Variants in DLGAP3 observed in about 807,000 individuals in gnomAD.
The protein encoded by DLGAP3 is DLG associated protein 3.
Under a neutral mutation model 81.2 loss-of-function variants are expected in DLGAP3, and 17 were observed. The ratio of observed to expected loss-of-function variants is 0.21; its 90% CI spans 0.14 to 0.31. The LOEUF is 0.31. DLGAP3 is among the 10% of genes least tolerant of loss of function. DLGAP3 has a pLI of 1.00. For missense variants in DLGAP3, 1,124 were observed against 1,388.0 expected (o/e 0.81, Z 3.02); for synonymous variants, 577 against 587.4 (o/e 0.98, Z 0.26).
chr1:34,904,949 T>C lies in DLGAP3; in HGVS notation c.435A>G (p.Pro145=). The C allele has an allele frequency of 1.2e-6, 2 of 1,613,018 alleles. No individual in the cohort carries two copies. The highest frequency in any genetic ancestry group is 8.5e-7 in the Non-Finnish European group (1 of 1,179,752). Residue 145 remains proline, a synonymous_variant, in exon 3 of 12, where the codon CCA becomes CCG. Coordinates refer to ENST00000373347, the MANE Select transcript of DLGAP3 (RefSeq NM_001080418.3). This position sits in a 1 kb window ranked among gnomAD's most constrained non-coding sequence, Gnocchi z 8.1. ...GCGCTGGCCCGGGCCCTGCCCCTGC[T>C]GGCCCTCGCTGGTATGGTAGTGTGT... The part of the protein sequence containing the change: ...GFHTLPYQRG[P]AGAGPGPAPG...
chr1:34,895,915 CAT>C lies in DLGAP3; in HGVS notation c.1386+3752_1386+3753del, dbSNP rs1456359791. 2.4e-5 allele frequency among the ~76,000 whole-genome samples: 3 copies of C among 125,424 alleles called. No individual in the cohort carries two copies. The highest frequency in any genetic ancestry group is 2.1e-4 in the East Asian group (1 of 4,672). 82.3% of individuals were successfully genotyped at this position (125,424 alleles called of 152,430 possible). The stretch of plus-strand genomic sequence containing the variant: ...AGCTGGACCCCTAACTTGAATCACA[CAT>C]ACACACACACACACACACACACACA... On this transcript the variant is annotated intron_variant, in intron 5 of 11. Coordinates refer to ENST00000373347, the MANE Select transcript of DLGAP3 (RefSeq NM_001080418.3). The surrounding 1 kb of genome is among the most constrained non-coding windows in gnomAD (Gnocchi z 4.5).
intron 5 of DLGAP3, among the ~76,000 whole-genome samples, chr1:34,891,671 C>T (rs980525094): frequency 6.6e-6 from 1 of 152,204 alleles, no homozygotes; most frequent in Non-Finnish European, 1.5e-5. Flanking sequence ...TTGCCCTCCC[C>T]AGCTCACACA....
chr1:34,883,767 T>C (rs1357179109), intron 8 of DLGAP3, among the ~76,000 whole-genome samples: 2 of 151,838 alleles, frequency 1.3e-5, no homozygotes, highest in Admixed American at 1.3e-4. Flanking sequence ...TTGAGAAAAA[T>C]GGTGAATCCC....
chr1:34,906,016 T>TTATATATATATATATATATATATATATA (rs150603784), intron 2 of DLGAP3, among the ~76,000 whole-genome samples: 1,222 of 64,212 alleles, frequency 0.019, 165 homozygotes, highest in East Asian at 0.094. Flanking sequence ...GCCTCTAAAT[T>TTATATATATATATATATATATATATATA]TATATATATA....
intron 5 of DLGAP3, among the ~76,000 whole-genome samples, chr1:34,891,369 G>A (rs1178597186): frequency 6.6e-6 from 1 of 152,210 alleles, no homozygotes; most frequent in East Asian, 1.9e-4. Context: ...GAACAGGAAA[G>A]GCCAGAAGCA....
rs373138417 is a variant in DLGAP3, at chr1:34,918,503, A to T, written c.-135+10948T>A. Among the ~76,000 whole-genome samples the T allele has an allele frequency of 5.1e-4, 78 of 152,324 alleles. 1 individual carries two copies. The highest frequency in any genetic ancestry group is 1.7e-3 in the African/African-American group (69 of 41,590). On this transcript the variant is annotated intron_variant, in intron 1 of 11. Transcript: ENST00000373347. ...ACAGGTTCACCTGCTACCCTTAGGA[A>T]GTGGGTCCAGCACGTGGCTAATAGG...
At chr1:34,915,296 C>G (rs1388267610) in intron 1 of DLGAP3, among the ~76,000 whole-genome samples, 1 of 152,232 alleles carries the variant, frequency 6.6e-6, no homozygotes, top group African/African-American at 2.4e-5. Context: ...CTTCTTTTGA[C>G]TTTAGCACCA....
At chr1:34,896,617 A>G (rs1639384299) in intron 5 of DLGAP3, among the ~76,000 whole-genome samples, 1 of 151,544 alleles carries the variant, frequency 6.6e-6, no homozygotes, top group African/African-American at 2.4e-5. Context: ...ACACACACAC[A>G]AAATCAAACT....
chr1:34,918,651 T>A (rs1315652036), intron 1 of DLGAP3, among the ~76,000 whole-genome samples: 2 of 152,044 alleles, frequency 1.3e-5, no homozygotes, highest in Non-Finnish European at 2.9e-5. Context: ...AATGGAGAAG[T>A]AGGTCGGGCT....
intron 5 of DLGAP3, 104 bp downstream of exon 5, chr1:34,899,565 G>A (rs1639423873): frequency 6.7e-6 from 7 of 1,047,890 alleles, no homozygotes; most frequent in Non-Finnish European, 9.0e-6. Flanking sequence ...AGCCAGGCCT[G>A]AGCTCTCTCC....
chr1:34,915,081 A>G (rs531622934), intron 1 of DLGAP3, among the ~76,000 whole-genome samples: 18 of 152,322 alleles, frequency 1.2e-4, no homozygotes, highest in African/African-American at 4.3e-4. Context: ...GCAACCTCAT[A>G]GCTGGGTATT....
intron 1 of DLGAP3, among the ~76,000 whole-genome samples, chr1:34,926,437 T>C (rs1639873418): frequency 6.6e-6 from 1 of 152,120 alleles, no homozygotes; most frequent in South Asian, 2.1e-4. Flanking sequence ...GCCAGCAGCC[T>C]TCAGACTGGG....
In DLGAP3 at chr1:34,885,326, G is replaced by A. The variant is rs1048277039; in HGVS notation, c.1914+152C>T. The A allele has an allele frequency of 3.6e-5, 32 of 891,738 alleles. 1 individual carries two copies. Among genetic ancestry groups the A allele is most frequent in the Non-Finnish European group, 5.2e-5 (30 of 572,392 alleles). 55.2% of individuals were successfully genotyped at this position (891,738 alleles called of 1,614,324 possible). A position where few individuals can be genotyped will look rare whatever the true frequency, so the allele number is the denominator to read the frequency against. On this transcript the variant is annotated intron_variant, in intron 7 of 11. Coordinates refer to ENST00000373347, the MANE Select transcript of DLGAP3 (RefSeq NM_001080418.3). ...AGGGAGTGGGCGGGGGCTGGCTGGA[G>A]CAGCCCCGTCGATGTCCAGGCACGG...
At chr1:34,919,868 G>A (rs1461742101) in intron 1 of DLGAP3, among the ~76,000 whole-genome samples, 1 of 152,124 alleles carries the variant, frequency 6.6e-6, no homozygotes, top group Non-Finnish European at 1.5e-5. Flanking sequence ...TATACAAATG[G>A]GGACCCCTTC....
chr1:34,895,911 C>CACAT lies in DLGAP3; in HGVS notation c.1386+3757_1386+3758insATGT, dbSNP rs1639372497. Among the ~76,000 whole-genome samples, 1 of 122,840 alleles carries CACAT rather than the reference C, an allele frequency of 8.1e-6. No homozygotes were observed. The highest frequency in any genetic ancestry group is 3.0e-5 in the African/African-American group (1 of 33,412). The allele number at this position is 122,840 out of a possible 152,430, so 80.6% of individuals were successfully genotyped here. A position where few individuals can be genotyped will look rare whatever the true frequency, so the allele number is the denominator to read the frequency against. ...ATAAAGCTGGACCCCTAACTTGAATCACACATACACACACACACACACACA... is the reference window on the plus strand; with the variant it reads ...ATAAAGCTGGACCCCTAACTTGAATCACATACACATACACACACACACACACACA... On this transcript the variant is annotated intron_variant, in intron 5 of 11. Coordinates refer to ENST00000373347, the MANE Select transcript of DLGAP3 (RefSeq NM_001080418.3). This position sits in a 1 kb window ranked among gnomAD's most constrained non-coding sequence, Gnocchi z 4.5.
At chr1:34,923,856 G>A (rs2148421775) in intron 1 of DLGAP3, among the ~76,000 whole-genome samples, 1 of 152,284 alleles carries the variant, frequency 6.6e-6, no homozygotes, top group African/African-American at 2.4e-5. Context: ...AACTGGTTCA[G>A]TTTGAGATCC....
At chr1:34,896,535 G>A (rs890595650) in intron 5 of DLGAP3, among the ~76,000 whole-genome samples, 6 of 151,380 alleles carry the variant, frequency 4.0e-5, no homozygotes, top group African/African-American at 1.5e-4. Flanking sequence ...GTTGCAGTGA[G>A]CAGAGATCTA....
At chr1:34,875,317 A>G (rs1371143157) in intron 8 of DLGAP3, among the ~76,000 whole-genome samples, 1 of 152,180 alleles carries the variant, frequency 6.6e-6, no homozygotes, top group East Asian at 1.9e-4. Context: ...ACAAGCAGGT[A>G]TGAGTAGGGT....
chr1:34,904,934 G>T lies in DLGAP3; in HGVS notation c.450C>A (p.Pro150=), dbSNP rs200550216. The part of the protein sequence containing the change: ...PYQRGPAGAG[P]GPAPGTGTAP... ...CAGTGCCCGTCCCTGGCGCTGGCCCGGGCCCTGCCCCTGCTGGCCCTCGCT... is the reference window on the plus strand; with the variant it reads ...CAGTGCCCGTCCCTGGCGCTGGCCCTGGCCCTGCCCCTGCTGGCCCTCGCT... The change falls in exon 3 of 12, where the codon CCC becomes CCA. Residue 150 remains proline (P), a synonymous_variant. Transcript: ENST00000373347. The surrounding 1 kb of genome is among the most constrained non-coding windows in gnomAD (Gnocchi z 8.1). 4.3e-6 allele frequency: 7 copies of T among 1,612,312 alleles called. No individual in the cohort carries two copies. Among genetic ancestry groups the T allele is most frequent in the Non-Finnish European group, 5.1e-6 (6 of 1,179,762 alleles).
Sources: allele counts gnomAD v4.1 joint callset (sites outside exome capture counted in the v4.1 genomes callset), GRCh38; gene constraint gnomAD v4.1.1; non-coding constraint Gnocchi (gnomAD v3.1); transcripts MANE v1.5; gene names NCBI Gene and HGNC (gene_info 2026-07-23, HGNC 2026-07-21).